The following LSAMP variants were observed in gnomAD, a reference collection of about 807,000 sequenced individuals.
The protein encoded by LSAMP is limbic system-associated membrane protein.
A neutral mutation model predicts 38.6 loss-of-function variants in LSAMP; 7 were observed. The ratio of observed to expected loss-of-function variants is 0.18; its 90% confidence interval spans 0.10 to 0.34. The LOEUF is 0.34. LSAMP is among the 10% of genes least tolerant of loss of function. LSAMP has a pLI of 1.00. For missense variants in LSAMP, 313 were observed against 420.0 expected (o/e 0.75, Z 2.23); for synonymous variants, 154 against 166.8 (o/e 0.92, Z 0.59).
intron 1 of LSAMP, among the ~76,000 whole-genome samples, chr3:116,171,279 G>A (rs1268833863): frequency 1.3e-5 from 2 of 152,094 alleles, no homozygotes; most frequent in East Asian, 1.9e-4. Context: ...CTGAGAAGGG[G>A]AATAGGATTA....
intron 3 of LSAMP, among the ~76,000 whole-genome samples, chr3:115,935,425 T>C (rs866345883): frequency 2.0e-5 from 3 of 152,304 alleles, no homozygotes; most frequent in African/African-American, 7.2e-5. Flanking sequence ...ACCACAATCT[T>C]GCCTTTATGG....
chr3:116,215,192 A>G (rs2046205179), intron 1 of LSAMP, among the ~76,000 whole-genome samples: 1 of 152,222 alleles, frequency 6.6e-6, no homozygotes, highest in African/African-American at 2.4e-5. Flanking sequence ...AAATAAAGGA[A>G]TAAGTTGCTG....
intron 1 of LSAMP, among the ~76,000 whole-genome samples, chr3:116,132,643 A>C (rs1382606619): frequency 6.6e-6 from 1 of 152,146 alleles, no homozygotes; most frequent in African/African-American, 2.4e-5. Context: ...TTTCTTAACA[A>C]ATGTCTCCTT....
chr3:116,169,587 G>A (rs1710146457), intron 1 of LSAMP, among the ~76,000 whole-genome samples: 2 of 152,124 alleles, frequency 1.3e-5, no homozygotes, highest in Non-Finnish European at 2.9e-5. Flanking sequence ...GCCCAGCAAT[G>A]CCAACAGAAC....
chr3:116,260,865 A>G (rs956111441), intron 1 of LSAMP, among the ~76,000 whole-genome samples: 3 of 152,196 alleles, frequency 2.0e-5, no homozygotes, highest in African/African-American at 7.2e-5. Context: ...TTTAGACTTC[A>G]GCTAAGTGCT....
intron 1 of LSAMP, among the ~76,000 whole-genome samples, chr3:116,280,116 C>A (rs1001397825): frequency 6.6e-6 from 1 of 152,274 alleles, no homozygotes; most frequent in African/African-American, 2.4e-5. Context: ...AAAACAGAAT[C>A]TGATCAGAAA....
intron 3 of LSAMP, among the ~76,000 whole-genome samples, chr3:115,905,853 C>T (rs981227769): frequency 6.6e-6 from 1 of 152,086 alleles, no homozygotes; most frequent in African/African-American, 2.4e-5. Flanking sequence ...ACTCAAAATA[C>T]ATAAGGATAT....
chr3:116,327,244 T>C (rs2047785542), intron 1 of LSAMP, among the ~76,000 whole-genome samples: 1 of 152,178 alleles, frequency 6.6e-6, no homozygotes, highest in African/African-American at 2.4e-5. Context: ...CTCCATGACC[T>C]GTTGCCTACA....
At chr3:116,427,109 CTTTTTTTTT>C (rs758726064) in intron 1 of LSAMP, among the ~76,000 whole-genome samples, 1 of 95,396 alleles carries the variant, frequency 1.0e-5, no homozygotes, top group Non-Finnish European at 2.1e-5. Context: ...CTCTTTCTTT[CTTTTTTTTT>C]TTTTTTTTTT....
At chr3:115,973,699 A>C (rs1260979022) in intron 3 of LSAMP, among the ~76,000 whole-genome samples, 2 of 152,156 alleles carry the variant, frequency 1.3e-5, no homozygotes, top group East Asian at 3.9e-4. Context: ...GTGCCACTGC[A>C]CTTCAGCCTG....
chr3:116,260,445 T>C (rs1343756967), intron 1 of LSAMP, among the ~76,000 whole-genome samples: 1 of 151,840 alleles, frequency 6.6e-6, no homozygotes, highest in Non-Finnish European at 1.5e-5. Context: ...CTATAAACTA[T>C]ACTAATATAT....
At chr3:115,868,797 T>G (rs1935933059) in intron 3 of LSAMP, among the ~76,000 whole-genome samples, 1 of 152,130 alleles carries the variant, frequency 6.6e-6, no homozygotes, top group African/African-American at 2.4e-5. Flanking sequence ...CTCAAAATTG[T>G]TCAAGTGGTA....
intron 1 of LSAMP, among the ~76,000 whole-genome samples, chr3:116,207,700 AATTCTTTTCTTTAAGAATGTTGAAT>A (rs2046089987): frequency 6.6e-6 from 1 of 151,162 alleles, no homozygotes; most frequent in Non-Finnish European, 1.5e-5. Flanking sequence ...CTGGGTTGAA[AATTCTTTTCTTTAAGAATGTTGAAT>A]ATTGGTCCCC....
chr3:115,837,973 G>T (rs1934850681), intron 6 of LSAMP: 1 of 152,132 alleles, frequency 6.6e-6, no homozygotes, highest in South Asian at 2.1e-4. Context: ...ATGCTGATTG[G>T]GTGTCTGCAC....
rs145706106 is a variant in LSAMP at position 116,326,293 on chromosome 3, T to C, written c.155+118584A>G. Among the ~76,000 whole-genome samples the C allele has an allele frequency of 2.6e-5, 4 of 152,300 alleles. No individual in the cohort carries two copies. In the East Asian group the frequency reaches 7.7e-4, roughly 29 times the overall value. ...TTTCATCAGGATTTAATCCCTATTC[T>C]CAATTAGAATTAATATAAAAATAAC... On this transcript the variant is annotated intron_variant, in intron 1 of 6. Transcript: ENST00000490035.
intron 2 of LSAMP, among the ~76,000 whole-genome samples, chr3:116,075,068 C>G (rs1339797094): frequency 6.6e-6 from 1 of 151,520 alleles, no homozygotes; most frequent in Non-Finnish European, 1.5e-5. Flanking sequence ...GAAATCCCGA[C>G]CTCTGGTGAT....
chr3:116,434,570 A>G (rs1011924574), intron 1 of LSAMP, among the ~76,000 whole-genome samples: 2 of 152,086 alleles, frequency 1.3e-5, no homozygotes, highest in African/African-American at 4.8e-5. Context: ...TGAGGGGTAG[A>G]AGGAGAAGGA....
chr3:116,280,138 T>G (rs1394267178), intron 1 of LSAMP, among the ~76,000 whole-genome samples: 1 of 152,182 alleles, frequency 6.6e-6, no homozygotes, highest in Non-Finnish European at 1.5e-5. Flanking sequence ...ATTTACACCA[T>G]GAAGACAAAA....
At chr3:116,054,651 A>T (rs1365617494) in intron 2 of LSAMP, among the ~76,000 whole-genome samples, 2 of 152,244 alleles carry the variant, frequency 1.3e-5, no homozygotes, top group Non-Finnish European at 2.9e-5. Flanking sequence ...TAGAATAAAG[A>T]TTTAATAAAT....
Sources: allele counts gnomAD v4.1 joint callset (sites outside exome capture counted in the v4.1 genomes callset), GRCh38; gene constraint gnomAD v4.1.1; transcripts MANE v1.5; gene names NCBI Gene and HGNC (gene_info 2026-07-23, HGNC 2026-07-21).